The following CCDC73 variants were observed in gnomAD, a reference collection of about 807,000 sequenced individuals.
The protein encoded by CCDC73 is coiled-coil domain containing 73.
A neutral mutation model predicts 116.5 loss-of-function variants in CCDC73; 95 were observed. That is an observed-to-expected ratio of 0.82 (90% CI 0.69 to 0.97). The LOEUF is 0.97. CCDC73 is among the 50% of genes least tolerant of loss of function. The probability of loss-of-function intolerance (pLI) is 0.00; values close to 1 mark genes in which losing one functional copy is unlikely to be tolerated. For synonymous variants in CCDC73, 398 were observed against 401.3 expected (o/e 0.99, Z 0.10); for missense variants, 1,066 against 1,206.8 (o/e 0.88, Z 1.73).
intron 9 of CCDC73, among the ~76,000 whole-genome samples, chr11:32,659,411 A>C (rs1337953464): frequency 6.6e-6 from 1 of 152,182 alleles, no homozygotes; most frequent in Non-Finnish European, 1.5e-5. Context: ...TGGCTGACTA[A>C]AGTCTGAGCT....
intron 2 of CCDC73, among the ~76,000 whole-genome samples, chr11:32,750,039 T>A (rs35316857): frequency 3.4e-5 from 1 of 29,364 alleles, no homozygotes; most frequent in African/African-American, 1.0e-4. Flanking sequence ...CCCGGCTAAT[T>A]TTTTGTATTT....
chr11:32,706,058 G>A (rs929355833), intron 3 of CCDC73, among the ~76,000 whole-genome samples: 3 of 143,864 alleles, frequency 2.1e-5, no homozygotes, highest in Middle Eastern at 3.7e-3. Context: ...AACATCACAA[G>A]AATGACTTAG....
At chr11:32,700,019 A>G (rs904527538) in intron 5 of CCDC73, among the ~76,000 whole-genome samples, 1 of 151,572 alleles carries the variant, frequency 6.6e-6, no homozygotes, top group African/African-American at 2.4e-5. Flanking sequence ...AGGCCTTTAT[A>G]TGGTTACAAT....
At chr11:32,823,400 G>T in the CCDC73 span, among the ~76,000 whole-genome samples, 1 of 152,188 alleles carries the variant, frequency 6.6e-6, no homozygotes, top group Non-Finnish European at 1.5e-5. Flanking sequence ...CTTGAACCCG[G>T]GAGGTGGAGG....
intron 1 of CCDC73, among the ~76,000 whole-genome samples, chr11:32,786,328 T>C (rs1416533897): frequency 6.8e-6 from 1 of 147,334 alleles, no homozygotes; most frequent in African/African-American, 2.5e-5. Context: ...AATAAATCTG[T>C]TATTTATAAT....
chr11:32,737,171 A>G (rs1426352142), intron 2 of CCDC73, among the ~76,000 whole-genome samples: 1 of 150,114 alleles, frequency 6.7e-6, no homozygotes, highest in Non-Finnish European at 1.5e-5. Context: ...CCAAAATTTC[A>G]TGATTTTTTA....
At chr11:32,733,485 C>A (rs1472322344) in intron 2 of CCDC73, among the ~76,000 whole-genome samples, 3 of 152,190 alleles carry the variant, frequency 2.0e-5, no homozygotes, top group Admixed American at 1.3e-4. Context: ...AGCACCACAT[C>A]ACACTTATTC....
At chr11:32,753,293 CTTTT>C (rs11309977) in intron 2 of CCDC73, among the ~76,000 whole-genome samples, 2 of 127,806 alleles carry the variant, frequency 1.6e-5, no homozygotes, top group Non-Finnish European at 3.3e-5. Flanking sequence ...TTCTTTTCTG[CTTTT>C]TTTTTTTTTT....
chr11:32,603,325 G>C, intron 17 of CCDC73: 1 of 248,306 alleles, frequency 4.0e-6, no homozygotes. Context: ...TGAGATATTT[G>C]GAAGTTGGCA....
chr11:32,736,835 G>A (rs948306886), intron 2 of CCDC73, among the ~76,000 whole-genome samples: 1 of 151,848 alleles, frequency 6.6e-6, no homozygotes, highest in Non-Finnish European at 1.5e-5. Context: ...GCAGCCATAA[G>A]AAAGGATGAG....
chr11:32,614,066 T>C lies in CCDC73; in HGVS notation c.2252A>G (p.Asn751Ser), dbSNP rs1855449121. The C allele has an allele frequency of 6.2e-7, 1 of 1,613,164 alleles. No homozygotes were observed. Among genetic ancestry groups the C allele is most frequent in the South Asian group, 1.1e-5 (1 of 91,084 alleles). ...SSPGGKTMCK[N>S]MSDMQNSQFN... ...TTGACTGTTTTGCATATCACTCATA[T>C]TTTTACACATAGTTTTTCCCCCAGG... Residue 751 changes from asparagine to serine, a missense_variant, in exon 16 of 18, where the codon AAT (asparagine) becomes AGT (serine). Transcript: ENST00000335185.
chr11:32,754,878 C>CTTTTTTTT (rs34982926), intron 2 of CCDC73, among the ~76,000 whole-genome samples: 2 of 86,566 alleles, frequency 2.3e-5, no homozygotes, highest in Non-Finnish European at 2.2e-5. Flanking sequence ...ATGGCTTCAA[C>CTTTTTTTT]TTTTTTTTTT....
intron 1 of CCDC73, among the ~76,000 whole-genome samples, chr11:32,784,882 G>A (rs1032397983): frequency 2.6e-5 from 4 of 152,134 alleles, no homozygotes; most frequent in African/African-American, 9.7e-5. Context: ...TATAATGATA[G>A]AACAGAACAG....
intron 2 of CCDC73, among the ~76,000 whole-genome samples, chr11:32,750,341 C>T (rs1850276586): frequency 6.6e-6 from 1 of 152,190 alleles, no homozygotes; most frequent in Non-Finnish European, 1.5e-5. Context: ...ATAGCCACTA[C>T]CTGACTACCA....
At chr11:32,828,723 G>A in the CCDC73 span, among the ~76,000 whole-genome samples, 1 of 152,020 alleles carries the variant, frequency 6.6e-6, no homozygotes, top group Non-Finnish European at 1.5e-5. Context: ...CTTTAATCAA[G>A]ACCTTTTTAC....
At chr11:32,758,375 GA>G in intron 2 of CCDC73, 2 of 506,728 alleles carry the variant, frequency 3.9e-6, no homozygotes, top group Non-Finnish European at 7.8e-6. Flanking sequence ...TTTATACCAA[GA>G]AGGTTAGGAA....
At chr11:32,797,870 C>G (rs1343729636), upstream of CCDC73, among the ~76,000 whole-genome samples, 1 of 152,184 alleles carries the variant, frequency 6.6e-6, no homozygotes, top group Admixed American at 6.5e-5. Context: ...ACAGTATGAT[C>G]ATCCCTAATC....
At chr11:32,699,491 C>T (rs1849789724) in intron 5 of CCDC73, among the ~76,000 whole-genome samples, 166 bp from the exon 6 acceptor site, 7 of 152,018 alleles carry the variant, frequency 4.6e-5, no homozygotes, top group Admixed American at 4.6e-4. Context: ...ACCAAAATCT[C>T]AATGATAGAC....
At chr11:32,610,665 T>G (rs1855412300) in intron 17 of CCDC73, among the ~76,000 whole-genome samples, 1 of 152,192 alleles carries the variant, frequency 6.6e-6, no homozygotes, top group African/African-American at 2.4e-5. Context: ...CATATATCCA[T>G]ACAGTATCAC....
Sources: gnomAD v4.1 joint callset for allele counts (sites outside exome capture counted in the v4.1 genomes callset) on GRCh38, gnomAD v4.1.1 for gene constraint, MANE v1.5 for transcripts, NCBI Gene and HGNC (gene_info 2026-07-23, HGNC 2026-07-21) for gene names.